The following EYA4 variants were observed in gnomAD, a reference collection of about 807,000 sequenced individuals.
EYA4 encodes EYA transcriptional coactivator and phosphatase 4, also known as protein phosphatase EYA4.
Under a neutral mutation model 87.9 loss-of-function variants are expected in EYA4, and 31 were observed. The ratio of observed to expected loss-of-function variants is 0.35; its 90% confidence interval spans 0.27 to 0.48. The LOEUF is 0.48. EYA4 is among the 20% of genes least tolerant of loss of function. The probability of loss-of-function intolerance (pLI) is 0.99; values close to 1 mark genes in which losing one functional copy is unlikely to be tolerated. For synonymous variants in EYA4, 263 were observed against 270.6 expected (o/e 0.97, Z 0.28); for missense variants, 678 against 761.4 (o/e 0.89, Z 1.29).
intron 2 of EYA4, among the ~76,000 whole-genome samples, chr6:133,327,263 G>A (rs1332483351): frequency 6.6e-6 from 1 of 151,746 alleles, no homozygotes; most frequent in African/African-American, 2.4e-5. Flanking sequence ...TCACCCTCCC[G>A]AGTAGCTGAG....
At chr6:133,244,843 A>C (rs899838623) in intron 1 of EYA4, among the ~76,000 whole-genome samples, 1 of 152,086 alleles carries the variant, frequency 6.6e-6, no homozygotes, top group Non-Finnish European at 1.5e-5. Context: ...ATGCACTGGA[A>C]TTAGATTTTT....
At chr6:133,297,693 C>A (rs1250176683) in intron 2 of EYA4, among the ~76,000 whole-genome samples, 2 of 152,210 alleles carry the variant, frequency 1.3e-5, no homozygotes, top group Non-Finnish European at 2.9e-5. Context: ...TTCCTGCCAT[C>A]CCCACCAGGC....
intron 2 of EYA4, among the ~76,000 whole-genome samples, chr6:133,296,886 TTTG>T (rs1367241366): frequency 6.6e-6 from 1 of 152,188 alleles, no homozygotes. Context: ...TGTAAAATAT[TTTG>T]TTGTTGTCAT....
chr6:133,283,749 C>T (rs567459865), intron 2 of EYA4, among the ~76,000 whole-genome samples: 30 of 152,042 alleles, frequency 2.0e-4, no homozygotes, highest in Non-Finnish European at 4.3e-4. Flanking sequence ...GTGATGAAGT[C>T]TGGGCTTTCA....
At chr6:133,272,239 C>T (rs1776755219) in intron 1 of EYA4, among the ~76,000 whole-genome samples, 1 of 152,142 alleles carries the variant, frequency 6.6e-6, no homozygotes, top group South Asian at 2.1e-4. Flanking sequence ...GAATCAGGCC[C>T]TAGTCTTCTC....
At chr6:133,495,356 T>TCA (rs2128737732) in intron 13 of EYA4, among the ~76,000 whole-genome samples, 1 of 147,418 alleles carries the variant, frequency 6.8e-6, no homozygotes, top group East Asian at 2.0e-4. Context: ...AGAGATATAT[T>TCA]TATTTATTTA....
At chr6:133,359,658 TC>T (rs1784318949) in intron 2 of EYA4, among the ~76,000 whole-genome samples, 1 of 152,340 alleles carries the variant, frequency 6.6e-6, no homozygotes, top group African/African-American at 2.4e-5. Context: ...GTTTGACTAT[TC>T]CTAATTGTAA....
At chr6:133,460,415 A>G (rs1271339301) in intron 6 of EYA4, among the ~76,000 whole-genome samples, 1 of 152,146 alleles carries the variant, frequency 6.6e-6, no homozygotes, top group South Asian at 2.1e-4. Context: ...CCATGTTTGG[A>G]TGAACTGTTA....
At chr6:133,265,144 CAA>C (rs1395463820) in intron 1 of EYA4, among the ~76,000 whole-genome samples, 2 of 151,998 alleles carry the variant, frequency 1.3e-5, no homozygotes, top group African/African-American at 4.8e-5. Context: ...TTTTCTAAGA[CAA>C]GAGTTTGTAG....
intron 2 of EYA4, among the ~76,000 whole-genome samples, chr6:133,371,331 T>C (rs1319159457): frequency 6.6e-6 from 1 of 152,066 alleles, no homozygotes. Flanking sequence ...GTTTACGGGG[T>C]CTACTGAGCA....
intron 2 of EYA4, among the ~76,000 whole-genome samples, chr6:133,286,024 A>G (rs1390985688): frequency 1.3e-5 from 2 of 152,194 alleles, no homozygotes; most frequent in African/African-American, 2.4e-5. Context: ...ACAGTTCAGC[A>G]GGGCCATATA....
In EYA4 at chr6:133,530,851, T is replaced by G; in HGVS notation, c.*2046T>G. On this transcript the variant is annotated 3_prime_UTR_variant, in exon 20 of 20. Transcript: ENST00000355286. The stretch of plus-strand genomic sequence containing the variant: ...AATACCTTTAATAATATAAAAATAA[T>G]GATAGTAAATCTTATACTTCTGTTG... The G allele has an allele frequency of 3.0e-6, 3 of 1,005,300 alleles. No individual in the cohort carries two copies. The highest frequency in any genetic ancestry group is 3.6e-6 in the Non-Finnish European group (3 of 840,876). The allele number at this position is 1,005,300 out of a possible 1,614,324, so 62.3% of individuals were successfully genotyped here. A position where few individuals can be genotyped will look rare whatever the true frequency, so the allele number is the denominator to read the frequency against.
chr6:133,329,937 C>T (rs548532257), intron 2 of EYA4, among the ~76,000 whole-genome samples: 4 of 152,092 alleles, frequency 2.6e-5, no homozygotes, highest in African/African-American at 9.6e-5. Flanking sequence ...AGAAAAGGAA[C>T]TCAGATTGCA....
intron 2 of EYA4, among the ~76,000 whole-genome samples, chr6:133,296,607 C>T (rs1690919272): frequency 6.6e-6 from 1 of 151,906 alleles, no homozygotes; most frequent in African/African-American, 2.4e-5. Context: ...TAATGACTGT[C>T]AGTTTTTGAC....
rs1797385184 is a variant in EYA4 at position 133,493,682 on chromosome 6, G to A, written c.1191+10567G>A. On this transcript the variant is annotated intron_variant, in intron 13 of 19. Transcript: ENST00000355286. ...ATCCACAGAATAGGAGAAAATATTT[G>A]TAAACTATCCATTATACAAGGGATT... Among the ~76,000 whole-genome samples, 4 of 152,208 alleles carry A rather than the reference G, an allele frequency of 2.6e-5. No individual in the cohort carries two copies. In the South Asian group the frequency reaches 8.3e-4, roughly 32 times the overall value.
chr6:133,372,282 GTTTTT>G (rs1785324773), intron 2 of EYA4, among the ~76,000 whole-genome samples: 1 of 151,836 alleles, frequency 6.6e-6, no homozygotes, highest in South Asian at 2.1e-4. Flanking sequence ...AATTTAAATT[GTTTTT>G]TCTTTAATTT....
chr6:133,517,547 GTTAATA>G (rs1318160388), intron 17 of EYA4, among the ~76,000 whole-genome samples: 1 of 151,242 alleles, frequency 6.6e-6, no homozygotes, highest in Non-Finnish European at 1.5e-5. Context: ...AAAAAAAAAA[GTTAATA>G]TTAAGAACAT....
At chr6:133,461,229 A>G (rs1279136801) in intron 7 of EYA4, 49 bp downstream of exon 7, 1 of 1,262,558 alleles carries the variant, frequency 7.9e-7, no homozygotes, top group Admixed American at 1.7e-5. Context: ...ATTTATGTCT[A>G]TACATGTTTT....
At chr6:133,516,130 A>C (rs905037069) in intron 17 of EYA4, among the ~76,000 whole-genome samples, 1 of 152,132 alleles carries the variant, frequency 6.6e-6, no homozygotes, top group Non-Finnish European at 1.5e-5. Context: ...CCATTATTTT[A>C]TATCTGAGTT....
Sources: gnomAD v4.1 joint callset for allele counts (sites outside exome capture counted in the v4.1 genomes callset) on GRCh38, gnomAD v4.1.1 for gene constraint, MANE v1.5 for transcripts, NCBI Gene and HGNC (gene_info 2026-07-23, HGNC 2026-07-21) for gene names.